GABRG3: variants seen among roughly 807,000 people sequenced by gnomAD.
GABRG3 encodes the protein gamma-aminobutyric acid type A receptor subunit gamma3.
GABRG3 carries 25 observed loss-of-function variants against 48.8 expected under a neutral mutation model. The ratio of observed to expected loss-of-function variants is 0.51; its 90% CI spans 0.37 to 0.72. The LOEUF is 0.72. Among genes scored for constraint, GABRG3 ranks in the 30% least tolerant of loss-of-function variants. GABRG3 has a pLI of 0.00. For missense variants in GABRG3, 394 were observed against 577.9 expected, an observed-to-expected ratio of 0.68 and a Z score of 3.26; for synonymous variants, 227 against 217.6, an observed-to-expected ratio of 1.04 and a Z score of -0.38.
chr15:27,397,802 A>ATT (rs10562407), intron 5 of GABRG3, among the ~76,000 whole-genome samples: 32 of 122,314 alleles, frequency 2.6e-4, no homozygotes, highest in Non-Finnish European at 3.6e-4. Context: ...TCTCTGAAAA[A>ATT]TTTTTTTTTT....
At chr15:27,490,758 G>T (rs1890330044) in intron 6 of GABRG3, among the ~76,000 whole-genome samples, 1 of 152,136 alleles carries the variant, frequency 6.6e-6, no homozygotes, top group Non-Finnish European at 1.5e-5. Flanking sequence ...TTCGGATGTT[G>T]CTCAGTTCCC....
intron 6 of GABRG3, 87 bp from the exon 7 acceptor site, chr15:27,519,885 C>T: frequency 1.1e-6 from 1 of 932,764 alleles, no homozygotes; most frequent in South Asian, 1.8e-5. Flanking sequence ...CCAAGTCATT[C>T]ACTTAACAAA....
intron 6 of GABRG3, among the ~76,000 whole-genome samples, chr15:27,497,898 A>G (rs757203974): frequency 6.6e-6 from 1 of 152,050 alleles, no homozygotes; most frequent in African/African-American, 2.4e-5. Flanking sequence ...TTCATTCCTC[A>G]ATGTTTCTGA....
chr15:27,104,390 A>G (rs1158091068), intron 3 of GABRG3, among the ~76,000 whole-genome samples: 1 of 152,214 alleles, frequency 6.6e-6, no homozygotes, highest in African/African-American at 2.4e-5. Context: ...TTGAGTATGA[A>G]TGTAGATGCT....
intron 5 of GABRG3, among the ~76,000 whole-genome samples, chr15:27,380,927 A>G (rs1000022589): frequency 1.3e-4 from 20 of 151,792 alleles, no homozygotes; most frequent in East Asian, 3.9e-4. Flanking sequence ...CACCATGCCC[A>G]GCTAATTTTT....
At chr15:27,125,860 C>G (rs1024553174) in intron 3 of GABRG3, among the ~76,000 whole-genome samples, 2 of 152,242 alleles carry the variant, frequency 1.3e-5, no homozygotes, top group African/African-American at 4.8e-5. Flanking sequence ...CTGCTTGGGA[C>G]TATTGCAAAC....
chr15:27,334,836 T>G (rs146122377), intron 5 of GABRG3, among the ~76,000 whole-genome samples: 22 of 151,722 alleles, frequency 1.5e-4, no homozygotes, highest in African/African-American at 5.3e-4. Flanking sequence ...TAGCAAAGAG[T>G]ATTTATACTT....
chr15:27,306,178 CAT>C lies in GABRG3; in HGVS notation c.271-20627_271-20626del, dbSNP rs984072997. 8.1e-4 allele frequency among the ~76,000 whole-genome samples: 105 copies of C among 128,890 alleles called. 3 individuals carry two copies. The highest frequency in any genetic ancestry group is 3.6e-3 in the South Asian group (15 of 4,122). The allele number at this position is 128,890 out of a possible 152,430, so 84.6% of individuals were successfully genotyped here. A position where few individuals can be genotyped will look rare whatever the true frequency, so the allele number is the denominator to read the frequency against. On this transcript the variant is annotated intron_variant, in intron 3 of 9. Transcript: ENST00000615808. ...ATAAACCTATATGTTTATATATAAA[CAT>C]ATAATATAAACATATTTATAATATA... is the stretch of plus-strand genomic sequence containing the variant.
chr15:27,112,216 C>T (rs2140371186), intron 3 of GABRG3, among the ~76,000 whole-genome samples: 1 of 152,200 alleles, frequency 6.6e-6, no homozygotes, highest in African/African-American at 2.4e-5. Flanking sequence ...CAGGATGAAC[C>T]CATCTCTCCA....
intron 2 of GABRG3, among the ~76,000 whole-genome samples, chr15:26,991,179 C>A (rs1895241626): frequency 1.3e-5 from 2 of 152,128 alleles, no homozygotes; most frequent in African/African-American, 4.8e-5. Flanking sequence ...ACATTCTTTC[C>A]CACCAGTGTC....
At chr15:27,420,785 A>C (rs1217974145) in intron 5 of GABRG3, 3 of 152,240 alleles carry the variant, frequency 2.0e-5, no homozygotes, top group Non-Finnish European at 2.9e-5. Flanking sequence ...AGTTTCTCAC[A>C]TTATCATTCA....
intron 5 of GABRG3, among the ~76,000 whole-genome samples, chr15:27,367,557 G>A (rs985270699): frequency 2.0e-5 from 3 of 152,136 alleles, no homozygotes; most frequent in Non-Finnish European, 4.4e-5. Context: ...CTTGGCCATT[G>A]CATAGCGAGA....
chr15:27,107,387 A>G (rs1217103220), intron 3 of GABRG3, among the ~76,000 whole-genome samples: 2 of 152,078 alleles, frequency 1.3e-5, no homozygotes, highest in Non-Finnish European at 2.9e-5. Context: ...CCAGCTATAC[A>G]TTTGGGAAAT....
At chr15:27,080,924 G>T (rs887171774) in intron 3 of GABRG3, among the ~76,000 whole-genome samples, 6 of 152,212 alleles carry the variant, frequency 3.9e-5, no homozygotes, top group African/African-American at 1.4e-4. Flanking sequence ...ATAGAAACCA[G>T]GCAAGCTAGC....
At chr15:27,484,127 A>G (rs915444596) in intron 6 of GABRG3, among the ~76,000 whole-genome samples, 1 of 152,034 alleles carries the variant, frequency 6.6e-6, no homozygotes, top group African/African-American at 2.4e-5. Flanking sequence ...GTAGAGACGC[A>G]GTTTCGCCAT....
intron 3 of GABRG3, among the ~76,000 whole-genome samples, chr15:27,113,120 C>T (rs1200235724): frequency 1.3e-5 from 2 of 151,936 alleles, no homozygotes. Context: ...ATTTTTTCAA[C>T]TTTATCTTCC....
At chr15:26,982,649 CA>C (rs1260173309) in intron 2 of GABRG3, among the ~76,000 whole-genome samples, 1 of 152,084 alleles carries the variant, frequency 6.6e-6, no homozygotes, top group Non-Finnish European at 1.5e-5. Context: ...GTGAATTTCC[CA>C]AATAAAACAG....
chr15:27,294,979 G>A (rs564842600), intron 3 of GABRG3: 1 of 152,304 alleles, frequency 6.6e-6, no homozygotes, highest in African/African-American at 2.4e-5. Flanking sequence ...GGCCAAAGAG[G>A]AAGGAGACCT....
intron 3 of GABRG3, among the ~76,000 whole-genome samples, chr15:27,065,185 C>T (rs975172889): frequency 1.3e-5 from 2 of 152,132 alleles, no homozygotes; most frequent in African/African-American, 2.4e-5. Flanking sequence ...TTTTTACTCA[C>T]CATAACGAGT....
Sources: gnomAD v4.1 joint callset for allele counts (sites outside exome capture counted in the v4.1 genomes callset) on GRCh38, gnomAD v4.1.1 for gene constraint, MANE v1.5 for transcripts, NCBI Gene and HGNC (gene_info 2026-07-23, HGNC 2026-07-21) for gene names.